Variants in SIL1 observed in about 807,000 individuals in gnomAD.
SIL1 encodes the protein nucleotide exchange factor SIL1.
Under a neutral mutation model 49.1 loss-of-function variants are expected in SIL1, and 40 were observed. The ratio of observed to expected loss-of-function variants is 0.81; its 90% CI spans 0.63 to 1.06. SIL1 has a LOEUF of 1.06. SIL1 is among the 50% of genes least tolerant of loss of function. SIL1 has a pLI of 0.00. For missense variants in SIL1, 500 were observed against 572.6 expected, an observed-to-expected ratio of 0.87 and a Z score of 1.29; for synonymous variants, 253 against 250.8, an observed-to-expected ratio of 1.01 and a Z score of -0.08.
intron 1 of SIL1, among the ~76,000 whole-genome samples, chr5:139,179,226 C>A (rs1343778981): frequency 2.0e-5 from 3 of 152,120 alleles, no homozygotes; most frequent in African/African-American, 7.2e-5. Flanking sequence ...CAACCAGGAC[C>A]CCCTGAAAGA....
At position 138,947,398 on chromosome 5, in the gene SIL1, G is replaced by A. The variant is rs1032140073; in HGVS notation, c.1105C>T (p.Leu369Phe). Residue 369 changes from leucine (L) to phenylalanine (F), a missense_variant, in exon 10 of 10, where the codon CTC (leucine) becomes TTC (phenylalanine). Transcript: ENST00000394817. The surrounding 1 kb of genome is among the most constrained non-coding windows in gnomAD (Gnocchi z 4.1). ...EKLQQYRQVH[L>F]LPGLWEQGWC... ...CCCTGTTCCCACAGGCCTGGCAGGA[G>A]GTGTACCTGGCGATACTGCTGCAGC... 6 of 1,613,672 alleles carry A rather than the reference G, an allele frequency of 3.7e-6. No homozygotes were observed. The highest frequency in any genetic ancestry group is 1.6e-4 in the Middle Eastern group (1 of 6,062).
At chr5:139,024,040 G>T (rs1323677794) in intron 6 of SIL1, among the ~76,000 whole-genome samples, 2 of 152,144 alleles carry the variant, frequency 1.3e-5, no homozygotes, top group African/African-American at 4.8e-5. Context: ...AGCCTACAAG[G>T]GAAAACAAAG....
At chr5:138,968,519 A>G (rs1374739248) in intron 7 of SIL1, among the ~76,000 whole-genome samples, 1 of 152,100 alleles carries the variant, frequency 6.6e-6, no homozygotes, top group African/African-American at 2.4e-5. Context: ...TCCTACTGCA[A>G]GAACCCTTCA....
intron 1 of SIL1, among the ~76,000 whole-genome samples, chr5:139,139,280 C>T (rs1247420988): frequency 6.6e-6 from 1 of 152,220 alleles, no homozygotes; most frequent in African/African-American, 2.4e-5. Flanking sequence ...GGGACTTTCA[C>T]ACCACAGTCA....
chr5:138,996,393 GT>G (rs1435880503), intron 7 of SIL1, among the ~76,000 whole-genome samples: 2 of 150,894 alleles, frequency 1.3e-5, no homozygotes, highest in African/African-American at 4.9e-5. Flanking sequence ...CTATTGAGTT[GT>G]TTGAGCCCCT....
intron 1 of SIL1, chr5:139,137,429 GT>G: frequency 1.5e-6 from 1 of 673,048 alleles, no homozygotes; most frequent in Non-Finnish European, 2.7e-6. Flanking sequence ...CTCTCGAGGG[GT>G]CTGTGAAATC....
intron 3 of SIL1, among the ~76,000 whole-genome samples, chr5:139,104,498 C>G (rs1770659006): frequency 6.6e-6 from 1 of 152,196 alleles, no homozygotes; most frequent in African/African-American, 2.4e-5. Flanking sequence ...AAAGTCTTCA[C>G]AGACAAGGAT....
chr5:139,033,424 C>T (rs1016140631), intron 5 of SIL1, among the ~76,000 whole-genome samples: 2 of 151,392 alleles, frequency 1.3e-5, no homozygotes, highest in African/African-American at 4.9e-5. Context: ...GAGCTTGTTT[C>T]GATCATCTTT....
chr5:139,121,275 TC>T, intron 2 of SIL1, 102 bp from the exon 3 acceptor site: 1 of 1,495,706 alleles, frequency 6.7e-7, no homozygotes, highest in Non-Finnish European at 9.2e-7. Flanking sequence ...CATGCCCCTC[TC>T]CCCCACAGCC....
intron 7 of SIL1, among the ~76,000 whole-genome samples, chr5:138,996,505 C>A (rs1419313401): frequency 6.9e-6 from 1 of 144,326 alleles, no homozygotes; most frequent in Admixed American, 6.9e-5. Context: ...GTTTTCTTTG[C>A]TGTGCAGATT....
intron 1 of SIL1, among the ~76,000 whole-genome samples, chr5:139,169,942 A>T (rs1751709062): frequency 6.6e-6 from 1 of 150,678 alleles, no homozygotes; most frequent in South Asian, 2.1e-4. Context: ...TACTGCTGCC[A>T]TCTCGGCTCA....
intron 1 of SIL1, among the ~76,000 whole-genome samples, chr5:139,143,507 A>G (rs917514630): frequency 6.6e-6 from 1 of 151,830 alleles, no homozygotes; most frequent in African/African-American, 2.4e-5. Flanking sequence ...AGTAGCTGGG[A>G]TTACAGGCAT....
Position 139,105,062 on chromosome 5 carries a change from C to T in SIL1, c.244+15973G>A, listed in dbSNP as rs145795443. 9.2e-5 allele frequency among the ~76,000 whole-genome samples: 14 copies of T among 152,286 alleles called. No homozygotes were observed. The East Asian group carries it at 1.2e-3, about 13-fold the overall frequency. On this transcript the variant is annotated intron_variant, in intron 3 of 9. Coordinates refer to ENST00000394817, the MANE Select transcript of SIL1 (RefSeq NM_022464.5). Reference sequence around the variant, plus strand: ...GGATAGGGCGGCAGGACTCGCTCTCCGTACACACAGCCTGCCTGCCAAAAT... The same window carrying T: ...GGATAGGGCGGCAGGACTCGCTCTCTGTACACACAGCCTGCCTGCCAAAAT...
intron 3 of SIL1, among the ~76,000 whole-genome samples, chr5:139,085,592 AAGG>A (rs1357849826): frequency 1.3e-5 from 2 of 152,146 alleles, no homozygotes; most frequent in African/African-American, 4.8e-5. Flanking sequence ...GAAAGGAAGG[AAGG>A]AGATGCCCAA....
At chr5:139,002,191 C>A (rs1490156062) in intron 7 of SIL1, among the ~76,000 whole-genome samples, 1 of 147,414 alleles carries the variant, frequency 6.8e-6, no homozygotes, top group African/African-American at 2.5e-5. Context: ...GCCTGGGTAA[C>A]AAAAGTGAGA....
Position 138,947,161 on chromosome 5 carries a change from C to T in SIL1, c.1342G>A (p.Glu448Lys). Residue 448 changes from glutamate to lysine, a missense_variant, in exon 10 of 10, where the codon GAG becomes AAG. Physicochemically the swap from Glu to Lys is moderately conservative, Grantham distance 56. Transcript: ENST00000394817. This position sits in a 1 kb window ranked among gnomAD's most constrained non-coding sequence, Gnocchi z 4.1. ...QDGEDEGYFQ[E>K]LLGSVNSLLK... ...AAGCTGTTGACAGAGCCCAGCAGCT[C>T]CTGGAAGTAGCCCTCGTCCTCACCA... The T allele has an allele frequency of 6.2e-7, 1 of 1,613,682 alleles. No homozygotes were observed. Among genetic ancestry groups the T allele is most frequent in the African/African-American group, 1.3e-5 (1 of 75,062 alleles).
intron 7 of SIL1, among the ~76,000 whole-genome samples, chr5:138,993,736 C>G (rs893350428): frequency 1.3e-5 from 2 of 152,166 alleles, no homozygotes; most frequent in African/African-American, 2.4e-5. Flanking sequence ...AATCTGACAG[C>G]CTGCAAAGAA....
At chr5:138,966,537 G>A (rs1205171213) in intron 7 of SIL1, among the ~76,000 whole-genome samples, 2 of 152,088 alleles carry the variant, frequency 1.3e-5, no homozygotes, top group African/African-American at 2.4e-5. Context: ...CAAAGTGACT[G>A]AGCCCTGTCC....
In SIL1 at chr5:138,947,482, C is replaced by A. The variant is rs370290043; in HGVS notation, c.1030-9G>T. The A allele has an allele frequency of 2.5e-6, 4 of 1,612,374 alleles. No homozygotes were observed. The highest frequency in any genetic ancestry group is 2.2e-5 in the East Asian group (1 of 44,886). The stretch of plus-strand genomic sequence containing the variant: ...TCCTCCTCGGCGAACATCTGCCATC[C>A]GCCACAGCCGCAGGCCAGGTAGGGT... On this transcript the variant is annotated splice_polypyrimidine_tract_variant and intron_variant, in intron 9 of 9. Transcript: ENST00000394817. The surrounding 1 kb of genome is among the most constrained non-coding windows in gnomAD (Gnocchi z 4.1).
Sources: gnomAD v4.1 joint callset for allele counts (sites outside exome capture counted in the v4.1 genomes callset) on GRCh38, gnomAD v4.1.1 for gene constraint, Gnocchi (gnomAD v3.1) non-coding constraint, MANE v1.5 for transcripts, NCBI Gene and HGNC (gene_info 2026-07-23, HGNC 2026-07-21) for gene names.